The following LAMB4 variants were observed in gnomAD, a reference collection of about 807,000 sequenced individuals.
LAMB4 encodes the protein laminin subunit beta 4, also known as laminin subunit beta-4.
In LAMB4, 196 loss-of-function variants were observed where a neutral mutation model predicts 199.2. The ratio of observed to expected loss-of-function variants is 0.98; its 90% CI spans 0.88 to 1.11. LAMB4 has a LOEUF of 1.11. Among genes scored for constraint, LAMB4 ranks in the 50% least tolerant of loss-of-function variants. The pLI is 0.00. For missense variants in LAMB4, 2,080 were observed against 2,171.2 expected (o/e 0.96, Z 0.83); for synonymous variants, 744 against 770.6 (o/e 0.97, Z 0.57).
chr7:108,109,909 T>C (rs1272497674), intron 4 of LAMB4, among the ~76,000 whole-genome samples: 3 of 152,010 alleles, frequency 2.0e-5, no homozygotes, highest in African/African-American at 7.2e-5. Context: ...ATATGAGACA[T>C]GTGTGTAATT....
At chr7:108,044,461 T>C (rs73424726) in intron 28 of LAMB4, among the ~76,000 whole-genome samples, 14,418 of 152,158 alleles carry the variant, frequency 0.095, 2,291 homozygotes, top group African/African-American at 0.33. Context: ...ACAGGAATAA[T>C]AGGCTAGCAA....
intron 1 of LAMB4, 116 bp downstream of exon 1, chr7:108,130,190 T>G (rs544710255): frequency 6.6e-6 from 1 of 152,196 alleles, no homozygotes; most frequent in Non-Finnish European, 1.5e-5. Context: ...GTAATCTATG[T>G]GCTAATATGT....
chr7:108,076,262 A>C (rs11974677), intron 17 of LAMB4, among the ~76,000 whole-genome samples: 33,098 of 152,076 alleles, frequency 0.22, 7,214 homozygotes, highest in African/African-American at 0.57. Context: ...CAACTCTGCC[A>C]AGGGACAAGC....
At chr7:108,092,927 G>A (rs994687393) in intron 12 of LAMB4, among the ~76,000 whole-genome samples, 1 of 152,004 alleles carries the variant, frequency 6.6e-6, no homozygotes, top group Non-Finnish European at 1.5e-5. Flanking sequence ...AAAATGAAGG[G>A]GACAGGAAGG....
chr7:108,091,537 A>G (rs1040418586), intron 14 of LAMB4, 89 bp downstream of exon 14: 55 of 1,423,292 alleles, frequency 3.9e-5, no homozygotes, highest in Non-Finnish European at 5.0e-5. Context: ...TTTTCTAGGT[A>G]TCTTAACCAC....
Position 108,098,398 on chromosome 7 carries a change from C to T in LAMB4, c.1360+5G>A. 1 of 1,581,504 alleles carries T rather than the reference C, an allele frequency of 6.3e-7. No individual in the cohort carries two copies. The highest frequency in any genetic ancestry group is 2.3e-5 in the East Asian group (1 of 44,092). On this transcript the variant is annotated splice_donor_5th_base_variant and intron_variant, in intron 11 of 33. Transcript: ENST00000388781. ...CACTCCCCCGACCCCCGATTATGGA[C>T]TTACGCTGGCAGCCCAGGGGGTCGG...
Position 108,052,248 on chromosome 7 carries a change from G to T in LAMB4, c.3765C>A (p.Ile1255=). Residue 1255 remains isoleucine, a synonymous_variant, in exon 26 of 34, where the codon ATC becomes ATA. Transcript: ENST00000388781. ...CTTTCAGTTGTTCATTTAGCTGCAT[G>T]ATTTGTCTTCTATAGAGGAAATAAG... ...KDYHDSVRRQ[I]MQLNEQLKAV... 3.1e-6 allele frequency: 5 copies of T among 1,599,536 alleles called. No homozygotes were observed. The highest frequency in any genetic ancestry group is 4.3e-6 in the Non-Finnish European group (5 of 1,172,176).
intron 14 of LAMB4, among the ~76,000 whole-genome samples, chr7:108,084,731 G>C (rs1303230351): frequency 1.4e-5 from 2 of 142,924 alleles, no homozygotes; most frequent in African/African-American, 5.1e-5. Context: ...AACCAGACTT[G>C]TTTTGAATGC....
intron 9 of LAMB4, among the ~76,000 whole-genome samples, chr7:108,104,118 G>C (rs143458113): frequency 2.2e-4 from 34 of 152,170 alleles, no homozygotes; most frequent in African/African-American, 8.2e-4. Context: ...TGGGTTTAAG[G>C]TCACGTTCAT....
At chr7:108,115,830 G>GA (rs565888840) in intron 3 of LAMB4, among the ~76,000 whole-genome samples, 174 bp downstream of exon 3, 80 of 152,302 alleles carry the variant, frequency 5.3e-4, no homozygotes, top group African/African-American at 1.9e-3. Flanking sequence ...GGTGTTGGGG[G>GA]AAAGGGTCCC....
At chr7:108,039,130 G>T (rs1475974013) in intron 29 of LAMB4, among the ~76,000 whole-genome samples, 1 of 152,110 alleles carries the variant, frequency 6.6e-6, no homozygotes. Context: ...GCTCAGGGTG[G>T]TACAAGAAAC....
chr7:108,045,084 T>C (rs1261394946), intron 28 of LAMB4, among the ~76,000 whole-genome samples: 2 of 152,094 alleles, frequency 1.3e-5, no homozygotes, highest in Admixed American at 6.5e-5. Flanking sequence ...TTATAGTCAC[T>C]GGCAAATGAT....
chr7:108,048,232 T>A, intron 27 of LAMB4, 121 bp from the exon 28 acceptor site: 1 of 758,650 alleles, frequency 1.3e-6, no homozygotes, highest in Non-Finnish European at 2.1e-6. Flanking sequence ...TAGCGTGACC[T>A]TGGCTCACTG....
At chr7:108,116,658 G>T (rs1031272925) in intron 2 of LAMB4, among the ~76,000 whole-genome samples, 2 of 152,040 alleles carry the variant, frequency 1.3e-5, no homozygotes, top group African/African-American at 2.4e-5. Flanking sequence ...TTCAAATCAG[G>T]TTAACATTTT....
chr7:108,093,013 T>A (rs2037467806), intron 12 of LAMB4, among the ~76,000 whole-genome samples: 1 of 152,188 alleles, frequency 6.6e-6, no homozygotes, highest in Admixed American at 6.5e-5. Flanking sequence ...TTATGCTCAA[T>A]CTGGGTTATA....
chr7:108,019,735 A>G (rs571722035), downstream of LAMB4, among the ~76,000 whole-genome samples: 1 of 152,254 alleles, frequency 6.6e-6, no homozygotes, highest in East Asian at 1.9e-4. Context: ...CAAAAGGAAG[A>G]AGGAGTAGAA....
chr7:108,039,470 C>CTTTTTTTT (rs61668715), intron 29 of LAMB4, among the ~76,000 whole-genome samples: 4 of 134,370 alleles, frequency 3.0e-5, no homozygotes, highest in African/African-American at 5.6e-5. Flanking sequence ...TACTTTCTTT[C>CTTTTTTTT]TTTTTTTTTT....
In LAMB4 at chr7:108,091,090, C is replaced by T. The variant is rs558787792; in HGVS notation, c.1701+536G>A. 8.9e-4 allele frequency among the ~76,000 whole-genome samples: 114 copies of T among 128,058 alleles called. 1 individual carries two copies. The highest frequency in any genetic ancestry group is 3.2e-3 in the African/African-American group (110 of 34,914). The allele number at this position is 128,058 out of a possible 152,430, so 84.0% of individuals were successfully genotyped here. A position where few individuals can be genotyped will look rare whatever the true frequency, so the allele number is the denominator to read the frequency against. ...TTTCTCTCCTTAAAGACTTTCACCT[C>T]GAATTACCTTTTTTTTTTGTCATAT... On this transcript the variant is annotated intron_variant, in intron 14 of 33. Transcript: ENST00000388781.
rs114363428 is a variant in LAMB4, at chr7:108,044,167, C to G, written c.4327-271G>C. On this transcript the variant is annotated intron_variant, in intron 28 of 33. Coordinates refer to ENST00000388781, the MANE Select transcript of LAMB4 (RefSeq NM_007356.3). ...GAATTTTTCTAATATAAGTCTAAAA[C>G]ACAAATTTTGTTTTAATGGGGCTTT... 3.1e-3 allele frequency: 868 copies of G among 279,144 alleles called. 2 individuals are homozygous for G. The highest frequency in any genetic ancestry group is 0.018 in the African/African-American group (817 of 45,024). 17.3% of individuals were successfully genotyped at this position (279,144 alleles called of 1,614,324 possible). A position where few individuals can be genotyped will look rare whatever the true frequency, so the allele number is the denominator to read the frequency against.
Sources: gnomAD v4.1 joint callset for allele counts (sites outside exome capture counted in the v4.1 genomes callset) on GRCh38, gnomAD v4.1.1 for gene constraint, MANE v1.5 for transcripts, NCBI Gene and HGNC (gene_info 2026-07-23, HGNC 2026-07-21) for gene names.